The following KPTN variants were observed in gnomAD, a reference collection of about 807,000 sequenced individuals.
KPTN encodes the protein kaptin, actin binding protein, also known as KICSTOR complex protein kaptin.
A neutral mutation model predicts 52.6 loss-of-function variants in KPTN; 36 were observed. The ratio of observed to expected loss-of-function variants is 0.68; its 90% CI spans 0.52 to 0.90. The LOEUF (loss-of-function observed/expected upper bound fraction) is 0.90. Ranked by LOEUF, KPTN falls within the 40% of genes least tolerant of loss-of-function variation. The pLI is 0.00. For synonymous variants in KPTN, 271 were observed against 248.4 expected (o/e 1.09, Z -0.85); for missense variants, 529 against 576.2 (o/e 0.92, Z 0.84).
In KPTN at chr19:47,479,932, G is replaced by C. The variant is rs773801287; in HGVS notation, c.718C>G (p.Gln240Glu). 2 of 1,612,742 alleles carry C rather than the reference G, an allele frequency of 1.2e-6. No individual in the cohort carries two copies. Among genetic ancestry groups the C allele is most frequent in the Non-Finnish European group, 1.7e-6 (2 of 1,179,556 alleles). ...CCGTCCTGCAGGACCGACCACATCT[G>C]CAGAACCTCTGCGTGGAGAGCGAGG... ...HVDQRSREVL[Q>E]MWSVLQDGPI... Residue 240 changes from glutamine to glutamate, a missense_variant, in exon 8 of 12, where the codon CAG (glutamine) becomes GAG (glutamate). Physicochemically the swap from Gln to Glu is conservative, Grantham distance 29. Transcript: ENST00000338134.
intron 6 of KPTN, 47 bp from the exon 7 acceptor site, chr19:47,480,454 A>G (rs1401117286): frequency 1.5e-6 from 2 of 1,375,460 alleles, no homozygotes; most frequent in Non-Finnish European, 2.0e-6. Flanking sequence ...TGCTGGGCCC[A>G]GCCCCGCCCC....
At position 47,483,264 on chromosome 19, in the gene KPTN, C is replaced by A. The variant is rs750069541; in HGVS notation, c.394+31G>T. On this transcript the variant is annotated intron_variant, in intron 3 of 11. Transcript: ENST00000338134. ...TAGCATGGGGGACCTGCTGGGGACT[C>A]TCTCCCTCCTCCCGTCCACGCCTCA... is the stretch of plus-strand genomic sequence containing the variant. 1.9e-6 allele frequency: 3 copies of A among 1,613,446 alleles called. No homozygotes were observed. The Admixed American group carries it at 5.0e-5, about 27-fold the overall frequency.
chr19:47,480,943 G>A lies in KPTN; in HGVS notation c.525+15C>T, dbSNP rs770882486. The A allele has an allele frequency of 1.7e-5, 28 of 1,610,954 alleles. No homozygotes were observed. Among genetic ancestry groups the A allele is most frequent in the Middle Eastern group, 1.6e-4 (1 of 6,084 alleles). Reference sequence around the variant, plus strand: ...AATCCCACAGGGCTCTGCCCAGCACGCCGCCCCACCTCACCTCCTTGTAGA... The same window carrying A: ...AATCCCACAGGGCTCTGCCCAGCACACCGCCCCACCTCACCTCCTTGTAGA... On this transcript the variant is annotated intron_variant, in intron 5 of 11. Transcript: ENST00000338134.
intron 4 of KPTN, 58 bp from the exon 5 acceptor site, chr19:47,481,091 G>C (rs2122693113): frequency 7.2e-7 from 1 of 1,391,934 alleles, no homozygotes; most frequent in African/African-American, 1.4e-5. Context: ...CTGAGAACCA[G>C]AACTCTCCTC....
At position 47,480,304 on chromosome 19, in the gene KPTN, T is replaced by C; in HGVS notation, c.703A>G (p.Ser235Gly). The part of the protein sequence containing the change: ...YVRVAHVDQR[S>G]REVLQMWSVL... Reference sequence around the variant, plus strand: ...GCCTCACCGCGGCCCTCACCTCGACTCCGCTGGTCCACGTGGGCGACACGG... The same window carrying C: ...GCCTCACCGCGGCCCTCACCTCGACCCCGCTGGTCCACGTGGGCGACACGG... The change falls in exon 7 of 12, where the codon AGT (serine) becomes GGT (glycine). Residue 235 changes from serine (S) to glycine (G), a missense_variant. Physicochemically the swap from Ser to Gly is moderately conservative, Grantham distance 56 (BLOSUM62 0). Coordinates refer to ENST00000338134, the MANE Select transcript of KPTN (RefSeq NM_007059.4). 1.5e-6 allele frequency: 2 copies of C among 1,343,434 alleles called. No homozygotes were observed. Among genetic ancestry groups the C allele is most frequent in the Non-Finnish European group, 2.0e-6 (2 of 1,018,150 alleles). The allele number at this position is 1,343,434 out of a possible 1,614,324, so 83.2% of individuals were successfully genotyped here.
rs770774168 is a variant in KPTN at position 47,476,720 on chromosome 19, G to T, written c.1000-6C>A. 2 of 1,609,998 alleles carry T rather than the reference G, an allele frequency of 1.2e-6. No homozygotes were observed. Among genetic ancestry groups the T allele is most frequent in the Non-Finnish European group, 1.7e-6 (2 of 1,177,956 alleles). On this transcript the variant is annotated splice_region_variant and splice_polypyrimidine_tract_variant and intron_variant, in intron 10 of 11. Coordinates refer to ENST00000338134, the MANE Select transcript of KPTN (RefSeq NM_007059.4). ...TACTTATAACACAGCAGTTCCTGCGGGGGTGAAGAATCAGGTCACACAGGT... is the reference window on the plus strand; with the variant it reads ...TACTTATAACACAGCAGTTCCTGCGTGGGTGAAGAATCAGGTCACACAGGT...
At chr19:47,480,609 T>G in intron 6 of KPTN, 151 bp downstream of exon 6, 2 of 816,218 alleles carry the variant, frequency 2.5e-6, no homozygotes, top group Non-Finnish European at 4.1e-6. Context: ...TTTTCTGGGG[T>G]CACCCCTGCT....
Position 47,479,866 on chromosome 19 carries a change from TGGCGGCCGAGA to T in KPTN, c.773_783del (p.Leu258GlnfsTer11), listed in dbSNP as rs1568455678. On this transcript the variant is annotated frameshift_variant, in exon 8 of 12. Transcript: ENST00000338134. LOFTEE classifies it high-confidence loss of function. Reference sequence around the variant, plus strand: ...TCCCCTCAAACCCAGAGCTCACCCTTGGCGGCCGAGAGGCTGAACACAATCACTCGGGAGAT... The same window carrying T: ...TCCCCTCAAACCCAGAGCTCACCCTTGGCTGAACACAATCACTCGGGAGAT... 6.2e-7 allele frequency: 1 copy of T among 1,612,904 alleles called. No homozygotes were observed.
intron 4 of KPTN, among the ~76,000 whole-genome samples, chr19:47,482,019 G>C (rs974423644): frequency 6.6e-6 from 1 of 152,216 alleles, no homozygotes; most frequent in African/African-American, 2.4e-5. Context: ...TACGACTCTA[G>C]AAAACTTAGC....
chr19:47,477,680 C>T lies in KPTN; in HGVS notation c.863+26G>A, dbSNP rs748113467. The T allele has an allele frequency of 3.8e-6, 6 of 1,579,550 alleles. No homozygotes were observed. In the South Asian group the frequency reaches 6.6e-5, roughly 17 times the overall value. Reference sequence around the variant, plus strand: ...AGTGCAAAGAAAGAAGGTTAGACCACACCCATGTGTCTCAGGCCCCCTCAC... The same window carrying T: ...AGTGCAAAGAAAGAAGGTTAGACCATACCCATGTGTCTCAGGCCCCCTCAC... On this transcript the variant is annotated intron_variant, in intron 9 of 11. Coordinates refer to ENST00000338134, the MANE Select transcript of KPTN (RefSeq NM_007059.4).
chr19:47,480,232 C>T, intron 7 of KPTN, 66 bp downstream of exon 7: 1 of 977,114 alleles, frequency 1.0e-6, no homozygotes, highest in Admixed American at 2.1e-5. Flanking sequence ...CAGCCCTCAG[C>T]CCCACCCTGG....
intron 6 of KPTN, 53 bp from the exon 7 acceptor site, chr19:47,480,460 G>GCC: frequency 7.6e-7 from 1 of 1,311,856 alleles, no homozygotes; most frequent in South Asian, 1.4e-5. Context: ...GCCCAGCCCC[G>GCC]CCCCTCTGCC....
Position 47,476,601 on chromosome 19 carries a change from G to A in KPTN, c.1113C>T (p.His371=), listed in dbSNP as rs373396737. 2.7e-5 allele frequency: 43 copies of A among 1,612,276 alleles called. No individual in the cohort carries two copies. The Admixed American group carries it at 3.3e-4, about 13-fold the overall frequency. Reference sequence around the variant, plus strand: ...GCAGCCCATCCCCGGTCAGGTCCACGTGAGCCATGGCCAGCAGGGGACTGG... The same window carrying A: ...GCAGCCCATCCCCGGTCAGGTCCACATGAGCCATGGCCAGCAGGGGACTGG... The part of the protein sequence containing the change: ...SFSSPLLAMA[H]VDLTGDGLQE... Residue 371 remains histidine (H), a synonymous_variant, in exon 11 of 12, where the codon CAC becomes CAT. Transcript: ENST00000338134.
At chr19:47,483,452 C>A in intron 2 of KPTN, 50 bp downstream of exon 2, 1 of 1,594,676 alleles carries the variant, frequency 6.3e-7, no homozygotes, top group Non-Finnish European at 8.6e-7. Flanking sequence ...GTGGAACTCA[C>A]CATGTGTGTA....
At chr19:47,481,792 G>A (rs1417179839) in intron 4 of KPTN, among the ~76,000 whole-genome samples, 1 of 152,138 alleles carries the variant, frequency 6.6e-6, no homozygotes, top group Non-Finnish European at 1.5e-5. Context: ...AAAAAAGTTT[G>A]CCAATCCCTG....
chr19:47,479,804 C>G lies in KPTN; in HGVS notation c.787+59G>C, dbSNP rs1967800445. 3.6e-6 allele frequency: 5 copies of G among 1,406,802 alleles called. No individual in the cohort carries two copies. In the South Asian group the frequency reaches 5.9e-5, roughly 17 times the overall value. The allele number at this position is 1,406,802 out of a possible 1,614,324, so 87.1% of individuals were successfully genotyped here. A position where few individuals can be genotyped will look rare whatever the true frequency, so the allele number is the denominator to read the frequency against. On this transcript the variant is annotated intron_variant, in intron 8 of 11. Transcript: ENST00000338134. ...ATCTGGGTAGAAGGACCCAAGAATGCAGAGTTGCCTCTTCCCTCCCACCCG... is the reference window on the plus strand; with the variant it reads ...ATCTGGGTAGAAGGACCCAAGAATGGAGAGTTGCCTCTTCCCTCCCACCCG...
In KPTN at chr19:47,480,299, T is replaced by C; in HGVS notation, c.708A>G (p.Arg236=). 2 of 1,280,876 alleles carry C rather than the reference T, an allele frequency of 1.6e-6. No individual in the cohort carries two copies. The highest frequency in any genetic ancestry group is 5.3e-5 in the East Asian group (1 of 18,900). 79.3% of individuals were successfully genotyped at this position (1,280,876 alleles called of 1,614,324 possible). A position where few individuals can be genotyped will look rare whatever the true frequency, so the allele number is the denominator to read the frequency against. Residue 236 remains arginine, a splice_region_variant and synonymous_variant, in exon 7 of 12, where the codon CGA becomes CGG. Coordinates refer to ENST00000338134, the MANE Select transcript of KPTN (RefSeq NM_007059.4). The stretch of plus-strand genomic sequence containing the variant: ...ACCCCGCCTCACCGCGGCCCTCACC[T>C]CGACTCCGCTGGTCCACGTGGGCGA... ...VRVAHVDQRS[R]EVLQMWSVLQ...
Position 47,483,503 on chromosome 19 carries a change from T to C in KPTN, c.308A>G (p.Lys103Arg). 2 of 1,594,896 alleles carry C rather than the reference T, an allele frequency of 1.3e-6. No homozygotes were observed. Among genetic ancestry groups the C allele is most frequent in the Non-Finnish European group, 8.5e-7 (1 of 1,170,138 alleles). Residue 103 changes from lysine to arginine, a missense_variant and splice_region_variant, in exon 2 of 12, where the codon AAG becomes AGG. Physicochemically the swap from Lys to Arg is conservative, Grantham distance 26. Transcript: ENST00000338134. ...RGLVVGITFIKDSGDKGSPFL... is the reference protein window; with the variant it reads ...RGLVVGITFIRDSGDKGSPFL... Reference sequence around the variant, plus strand: ...GGAGGTGGAGGGGGCTCTAGGTACCTTGATGAACGTGATCCCCACAACCAG... The same window carrying C: ...GGAGGTGGAGGGGGCTCTAGGTACCCTGATGAACGTGATCCCCACAACCAG...
rs1286483518 is a variant in KPTN at position 47,483,360 on chromosome 19, C to T, written c.329G>A (p.Ser110Asn). The change falls in exon 3 of 12, where the codon AGC becomes AAC. Residue 110 changes from serine to asparagine, a missense_variant. By Grantham distance (46) the Ser-to-Asn change is conservative. Coordinates refer to ENST00000338134, the MANE Select transcript of KPTN (RefSeq NM_007059.4). ...TFIKDSGDKG[S>N]PFLNIYCDYE... ...GTCGCAGTAAATGTTCAGGAAGGGG[C>T]TGCCCTTGTCCCCTGAATCCTGGCG... 2 of 1,613,894 alleles carry T rather than the reference C, an allele frequency of 1.2e-6. No individual in the cohort carries two copies. Among genetic ancestry groups the T allele is most frequent in the African/African-American group, 2.7e-5 (2 of 74,914 alleles).
Sources: gnomAD v4.1 joint callset for allele counts (sites outside exome capture counted in the v4.1 genomes callset) on GRCh38, gnomAD v4.1.1 for gene constraint, MANE v1.5 for transcripts, NCBI Gene and HGNC (gene_info 2026-07-23, HGNC 2026-07-21) for gene names.